SCAMP1: variants seen among roughly 807,000 people sequenced by gnomAD.
The protein encoded by SCAMP1 is secretory carrier membrane protein 1, also known as secretory carrier-associated membrane protein 1.
A neutral mutation model predicts 41.8 loss-of-function variants in SCAMP1; 15 were observed. The ratio of observed to expected loss-of-function variants is 0.36; its 90% CI spans 0.24 to 0.55. The LOEUF (loss-of-function observed/expected upper bound fraction) is 0.55, where lower values mean the gene tolerates loss of function less well. Among genes scored for constraint, SCAMP1 ranks in the 20% least tolerant of loss-of-function variants. The pLI is 0.86. For synonymous variants in SCAMP1, 135 were observed against 136.8 expected (o/e 0.99, Z 0.09); for missense variants, 341 against 412.6 (o/e 0.83, Z 1.50).
At chr5:78,364,499 A>G (rs556925384) in intron 1 of SCAMP1, among the ~76,000 whole-genome samples, 13 of 152,310 alleles carry the variant, frequency 8.5e-5, no homozygotes, top group African/African-American at 3.1e-4. Context: ...AAGCCCACAG[A>G]GGCACACTTG....
chr5:78,389,068 G>T (rs1751422582), intron 2 of SCAMP1, among the ~76,000 whole-genome samples, 154 bp downstream of exon 2: 1 of 152,032 alleles, frequency 6.6e-6, no homozygotes, highest in African/African-American at 2.4e-5. Context: ...TTTTTAATAT[G>T]TAGAAATATT....
chr5:78,428,449 A>G (rs915402103), intron 6 of SCAMP1, among the ~76,000 whole-genome samples: 3 of 152,088 alleles, frequency 2.0e-5, no homozygotes, highest in African/African-American at 7.2e-5. Flanking sequence ...TGTAGGATTT[A>G]TTTTTGGACT....
Position 78,480,398 on chromosome 5 carries a change from A to G in SCAMP1, c.*4730A>G, listed in dbSNP as rs1754114074. On this transcript the variant is annotated 3_prime_UTR_variant, in exon 9 of 9. Coordinates refer to ENST00000621999, the MANE Select transcript of SCAMP1 (RefSeq NM_004866.6). Reference sequence around the variant, plus strand: ...TAAATTCTAGTTATTTTCAGTGCTTACTTAAATGTAATTCTAGAATTCCTC... The same window carrying G: ...TAAATTCTAGTTATTTTCAGTGCTTGCTTAAATGTAATTCTAGAATTCCTC... 6.6e-6 allele frequency among the ~76,000 whole-genome samples: 1 copy of G among 152,232 alleles called. No homozygotes were observed.
intron 2 of SCAMP1, among the ~76,000 whole-genome samples, chr5:78,402,472 G>C (rs1209254697): frequency 6.6e-6 from 1 of 152,066 alleles, no homozygotes; most frequent in Non-Finnish European, 1.5e-5. Context: ...AGTTCCATTA[G>C]TTTTTGCCTC....
intron 7 of SCAMP1, among the ~76,000 whole-genome samples, chr5:78,457,089 A>C (rs914662068): frequency 7.6e-6 from 1 of 130,900 alleles, no homozygotes; most frequent in Admixed American, 7.3e-5. Flanking sequence ...CATTCTTCTA[A>C]ATTTTTTTCA....
chr5:78,388,411 G>C (rs1751400821), intron 1 of SCAMP1, among the ~76,000 whole-genome samples: 2 of 152,354 alleles, frequency 1.3e-5, no homozygotes, highest in Non-Finnish European at 2.9e-5. Context: ...GATGTTGGCT[G>C]TATGACATTG....
chr5:78,385,165 G>C (rs1428014783), intron 1 of SCAMP1, among the ~76,000 whole-genome samples: 1 of 151,890 alleles, frequency 6.6e-6, no homozygotes. Context: ...TTTCTTCCTG[G>C]CTTATTCTAC....
intron 1 of SCAMP1, among the ~76,000 whole-genome samples, chr5:78,378,656 G>T (rs1053029445): frequency 5.9e-5 from 9 of 152,156 alleles, no homozygotes; most frequent in Non-Finnish European, 1.0e-4. Flanking sequence ...AAGTTAAGTG[G>T]CATTACTAGA....
At chr5:78,428,692 A>G (rs1388127588) in intron 6 of SCAMP1, among the ~76,000 whole-genome samples, 3 of 152,128 alleles carry the variant, frequency 2.0e-5, no homozygotes, top group Non-Finnish European at 2.9e-5. Context: ...TTGAGTTAAC[A>G]CTGTAAGCCA....
At position 78,365,480 on chromosome 5, in the gene SCAMP1, A is replaced by C. The variant is rs111281849; in HGVS notation, c.57+4752A>C. ...CAGTGCGAGACTCATCTCAAAAAAAAAAAAAAAAAAAAAAAAAAGTTCTGT... is the reference window on the plus strand; with the variant it reads ...CAGTGCGAGACTCATCTCAAAAAAACAAAAAAAAAAAAAAAAAAGTTCTGT... On this transcript the variant is annotated intron_variant, in intron 1 of 8. Coordinates refer to ENST00000621999, the MANE Select transcript of SCAMP1 (RefSeq NM_004866.6). Among the ~76,000 whole-genome samples the C allele has an allele frequency of 1.7e-3, 257 of 151,292 alleles. 1 individual carries two copies. The highest frequency in any genetic ancestry group is 5.5e-3 in the African/African-American group (229 of 41,306).
intron 7 of SCAMP1, among the ~76,000 whole-genome samples, chr5:78,458,168 GT>G (rs1753481796): frequency 1.3e-5 from 2 of 152,256 alleles, no homozygotes; most frequent in Admixed American, 1.3e-4. Flanking sequence ...GCTGGGAGCT[GT>G]AGACCGGAGC....
At chr5:78,401,315 G>A (rs570757403) in intron 2 of SCAMP1, among the ~76,000 whole-genome samples, 1 of 152,118 alleles carries the variant, frequency 6.6e-6, no homozygotes, top group South Asian at 2.1e-4. Context: ...AGTGTCTTTG[G>A]TTTGATATGA....
chr5:78,400,877 T>C (rs1238559433), intron 2 of SCAMP1, among the ~76,000 whole-genome samples: 2 of 152,186 alleles, frequency 1.3e-5, no homozygotes, highest in African/African-American at 2.4e-5. Context: ...TAGTACAATG[T>C]TGAAAAGGAG....
intron 8 of SCAMP1, among the ~76,000 whole-genome samples, chr5:78,459,685 G>A (rs1181219673): frequency 6.6e-6 from 1 of 151,922 alleles, no homozygotes; most frequent in Non-Finnish European, 1.5e-5. Context: ...AAGGATATTA[G>A]CCTGTTAATA....
chr5:78,369,079 A>G (rs908613750), intron 1 of SCAMP1, among the ~76,000 whole-genome samples: 4 of 151,728 alleles, frequency 2.6e-5, no homozygotes, highest in African/African-American at 9.7e-5. Flanking sequence ...AATGGGAACA[A>G]CTGGTTGGTG....
At chr5:78,432,876 A>C (rs1451782823) in intron 6 of SCAMP1, among the ~76,000 whole-genome samples, 1 of 152,042 alleles carries the variant, frequency 6.6e-6, no homozygotes, top group Non-Finnish European at 1.5e-5. Flanking sequence ...TATGTGTTAG[A>C]ATTTTTGATA....
At chr5:78,416,748 C>T in intron 4 of SCAMP1, 99 bp downstream of exon 4, 3 of 807,858 alleles carry the variant, frequency 3.7e-6, no homozygotes, top group South Asian at 3.6e-5. Context: ...TAAAACCCTA[C>T]CCTGTTTTCC....
At chr5:78,400,375 C>A (rs974458760) in intron 2 of SCAMP1, among the ~76,000 whole-genome samples, 2 of 152,082 alleles carry the variant, frequency 1.3e-5, no homozygotes, top group Admixed American at 1.3e-4. Context: ...ACATAAACTT[C>A]AACATTAGTT....
rs184759310 is a variant in SCAMP1, at chr5:78,383,874, C to T, written c.58-4963C>T. Among the ~76,000 whole-genome samples, 289 of 152,190 alleles carry T rather than the reference C, an allele frequency of 1.9e-3. 1 individual carries two copies. Among genetic ancestry groups the T allele is most frequent in the Non-Finnish European group, 3.5e-3 (235 of 68,006 alleles). On this transcript the variant is annotated intron_variant, in intron 1 of 8. Transcript: ENST00000621999. The stretch of plus-strand genomic sequence containing the variant: ...TTGAAGTCTGGTAATGTAATGCCTC[C>T]AGTTTTGTCCTTTTTACTTAGTCTT...
Sources: allele counts gnomAD v4.1 joint callset (sites outside exome capture counted in the v4.1 genomes callset), GRCh38; gene constraint gnomAD v4.1.1; transcripts MANE v1.5; gene names NCBI Gene and HGNC (gene_info 2026-07-23, HGNC 2026-07-21).